Variants in DAB1 observed in about 807,000 individuals in gnomAD.
DAB1 encodes the protein disabled homolog 1.
In DAB1, 15 loss-of-function variants were observed where a neutral mutation model predicts 64.6. The ratio of observed to expected loss-of-function variants is 0.23; its 90% CI spans 0.16 to 0.36. The LOEUF (loss-of-function observed/expected upper bound fraction) is 0.36, where lower values mean the gene tolerates loss of function less well. Ranked by LOEUF, DAB1 falls within the 10% of genes least tolerant of loss-of-function variation. The probability of loss-of-function intolerance (pLI) is 1.00; values close to 1 mark genes in which losing one functional copy is unlikely to be tolerated. For missense variants in DAB1, 596 were observed against 706.7 expected, an observed-to-expected ratio of 0.84 and a Z score of 1.78; for synonymous variants, 235 against 251.9, an observed-to-expected ratio of 0.93 and a Z score of 0.64.
intron 2 of DAB1, among the ~76,000 whole-genome samples, chr1:57,178,390 T>G (rs1662563654): frequency 6.6e-6 from 1 of 152,132 alleles, no homozygotes; most frequent in South Asian, 2.1e-4. Flanking sequence ...ATATAATGGT[T>G]ACTAAATCAC....
chr1:57,574,962 G>A (rs1474025691), intron 7 of DAB1, among the ~76,000 whole-genome samples: 1 of 152,198 alleles, frequency 6.6e-6, no homozygotes, highest in East Asian at 1.9e-4. Context: ...ATACCTTATA[G>A]AGAAGGAAAA....
At chr1:58,226,036 A>C (rs1659462015) in intron 4 of DAB1, among the ~76,000 whole-genome samples, 1 of 150,394 alleles carries the variant, frequency 6.6e-6, no homozygotes, top group Non-Finnish European at 1.5e-5. Context: ...TTGAGCCAGG[A>C]TTTGGCCTAA....
chr1:58,433,566 TAA>T (rs1491529021), intron 3 of DAB1, among the ~76,000 whole-genome samples: 10 of 118,652 alleles, frequency 8.4e-5, no homozygotes, highest in African/African-American at 2.9e-4. Flanking sequence ...AGTCCATGCA[TAA>T]GAGAGAGAGA....
chr1:58,493,806 T>A (rs1645744070), intron 3 of DAB1, among the ~76,000 whole-genome samples: 1 of 151,948 alleles, frequency 6.6e-6, no homozygotes, highest in Non-Finnish European at 1.5e-5. Flanking sequence ...TGCTCATGGG[T>A]AGGAAGAATC....
intron 6 of DAB1, among the ~76,000 whole-genome samples, chr1:57,760,601 TTCTCTCTC>T: frequency 9.5e-6 from 1 of 105,404 alleles, no homozygotes; most frequent in East Asian, 2.9e-4. Flanking sequence ...CTCAACTTCT[TTCTCTCTC>T]TCTCTCTCTC....
At chr1:57,122,362 A>G (rs1345551745) in intron 4 of DAB1, among the ~76,000 whole-genome samples, 5 of 152,166 alleles carry the variant, frequency 3.3e-5, no homozygotes, top group African/African-American at 1.2e-4. Context: ...AAAACAAATG[A>G]CTTCAAGGTG....
At chr1:57,000,600 CA>C (rs1645822010) in intron 14 of DAB1, among the ~76,000 whole-genome samples, 1 of 152,170 alleles carries the variant, frequency 6.6e-6, no homozygotes, top group South Asian at 2.1e-4. Context: ...TAAGGCTAAA[CA>C]TGTAACTTTA....
At chr1:57,861,092 G>A (rs997782436) in intron 1 of DAB1, 1 of 152,294 alleles carries the variant, frequency 6.6e-6, no homozygotes, top group African/African-American at 2.4e-5. Context: ...GGGGAGGCAA[G>A]AGAATATAGG....
chr1:58,017,373 A>G (rs990495086), intron 5 of DAB1, among the ~76,000 whole-genome samples: 2 of 152,182 alleles, frequency 1.3e-5, no homozygotes, highest in African/African-American at 4.8e-5. Flanking sequence ...GCTTTCTCAC[A>G]GAGAACAAGA....
intron 2 of DAB1, among the ~76,000 whole-genome samples, chr1:57,155,106 C>A (rs560031673): frequency 1.3e-5 from 2 of 152,282 alleles, no homozygotes; most frequent in East Asian, 3.9e-4. Context: ...TTTGCCCAGA[C>A]CCATGTCCTG....
In DAB1 at chr1:57,911,075, T is replaced by C. The variant is rs186357263; in HGVS notation, n.388-26913A>G. Among the ~76,000 whole-genome samples, 182 of 152,364 alleles carry C rather than the reference T, an allele frequency of 1.2e-3. 1 individual carries two copies. Among genetic ancestry groups the C allele is most frequent in the Middle Eastern group, 6.8e-3 (2 of 294 alleles). ...CCATCCATACAACAGACATTTTGTGTTGACTTTGATAATTCAGAGTTAGGT... is the reference window on the plus strand; with the variant it reads ...CCATCCATACAACAGACATTTTGTGCTGACTTTGATAATTCAGAGTTAGGT... On this transcript the variant is annotated intron_variant and non_coding_transcript_variant, in intron 5 of 20. Coordinates refer to the DAB1 transcript ENST00000485760.
chr1:58,354,938 T>C (rs1049572373), intron 3 of DAB1, among the ~76,000 whole-genome samples: 6 of 152,050 alleles, frequency 3.9e-5, no homozygotes, highest in Non-Finnish European at 5.9e-5. Flanking sequence ...GCTCCAATCT[T>C]CCCCCTCTAA....
chr1:58,391,069 C>A (rs1644472160), intron 3 of DAB1, among the ~76,000 whole-genome samples: 1 of 152,148 alleles, frequency 6.6e-6, no homozygotes, highest in Admixed American at 6.5e-5. Flanking sequence ...TAAATCCACT[C>A]GAGTATTTCA....
chr1:57,897,956 C>A (rs1644416960), intron 5 of DAB1, among the ~76,000 whole-genome samples: 1 of 152,116 alleles, frequency 6.6e-6, no homozygotes, highest in African/African-American at 2.4e-5. Flanking sequence ...TTTCGGTCCC[C>A]ATGAAGTTGA....
chr1:57,447,744 A>G (rs1686198889), intron 7 of DAB1, among the ~76,000 whole-genome samples: 1 of 152,134 alleles, frequency 6.6e-6, no homozygotes, highest in South Asian at 2.1e-4. Context: ...AGTCTTACCC[A>G]GCCTGCAGCA....
intron 2 of DAB1, among the ~76,000 whole-genome samples, chr1:57,180,984 T>C (rs1383943628): frequency 1.3e-5 from 2 of 152,190 alleles, no homozygotes; most frequent in Non-Finnish European, 2.9e-5. Context: ...GTAAGGCTCC[T>C]GATTTGTGGC....
chr1:57,479,935 C>T (rs1336523884), intron 7 of DAB1, among the ~76,000 whole-genome samples: 4 of 151,874 alleles, frequency 2.6e-5, no homozygotes, highest in Non-Finnish European at 4.4e-5. Context: ...GGGCGGATCA[C>T]GAGGTCAGGA....
intron 7 of DAB1, among the ~76,000 whole-genome samples, chr1:57,600,814 A>G (rs1286246617): frequency 6.6e-6 from 1 of 152,218 alleles, no homozygotes; most frequent in Non-Finnish European, 1.5e-5. Context: ...AGTATAAAAC[A>G]AACTTTTTAA....
chr1:58,291,168 T>C (rs1661824729), intron 4 of DAB1, among the ~76,000 whole-genome samples: 1 of 152,186 alleles, frequency 6.6e-6, no homozygotes, highest in African/African-American at 2.4e-5. Context: ...AGGCTAATAG[T>C]CTGAGTCACT....
Sources: gnomAD v4.1 joint callset for allele counts (sites outside exome capture counted in the v4.1 genomes callset) on GRCh38, gnomAD v4.1.1 for gene constraint, MANE v1.5 for transcripts, NCBI Gene and HGNC (gene_info 2026-07-23, HGNC 2026-07-21) for gene names.